NOL4L: variants seen among roughly 807,000 people sequenced by gnomAD.
The protein encoded by NOL4L is nucleolar protein 4 like.
Under a neutral mutation model 64.5 loss-of-function variants are expected in NOL4L, and 7 were observed. The observed-to-expected ratio is 0.11, with a 90% CI of 0.06 to 0.20. The LOEUF (loss-of-function observed/expected upper bound fraction) is 0.20. Ranked by LOEUF, NOL4L falls within the 10% of genes least tolerant of loss-of-function variation. The pLI, the probability that NOL4L is intolerant of heterozygous loss-of-function variation, is 1.00. For synonymous variants in NOL4L, 413 were observed against 401.0 expected (o/e 1.03, Z -0.36); for missense variants, 680 against 967.1 (o/e 0.70, Z 3.94).
rs533896753 is a variant in NOL4L at position 32,445,869 on chromosome 20, GCCC to G, written c.*1724_*1726del. On this transcript the variant is annotated 3_prime_UTR_variant, in exon 11 of 11. Coordinates refer to ENST00000621426, the MANE Select transcript of NOL4L (RefSeq NM_001256798.2). ...GGCAGGATGGGGCATCCTCACTGGT[GCCC>G]CCCCCATCCCTCCTTGGGGGGAGTC... The G allele has an allele frequency of 6.6e-6, 1 of 151,900 alleles. No homozygotes were observed. The highest frequency in any genetic ancestry group is 2.4e-5 in the African/African-American group (1 of 41,342). The allele number at this position is 151,900 out of a possible 1,614,324, so 9.4% of individuals were successfully genotyped here.
chr20:32,546,110 G>T (rs1250674293), intron 1 of NOL4L, among the ~76,000 whole-genome samples: 1 of 151,228 alleles, frequency 6.6e-6, no homozygotes, highest in Non-Finnish European at 1.5e-5. Flanking sequence ...ACCATGCCCG[G>T]CTAATTTTTG....
At chr20:32,493,727 C>T (rs902624111) in intron 4 of NOL4L, among the ~76,000 whole-genome samples, 1 of 152,096 alleles carries the variant, frequency 6.6e-6, no homozygotes, top group Non-Finnish European at 1.5e-5. Flanking sequence ...TTTATTGAGC[C>T]CCTACTATGC....
intron 1 of NOL4L, among the ~76,000 whole-genome samples, chr20:32,582,809 C>T (rs1295128072): frequency 6.6e-6 from 1 of 152,210 alleles, no homozygotes; most frequent in Admixed American, 6.5e-5. Flanking sequence ...AAACCGCCCT[C>T]CGGCGGGGGG....
chr20:32,534,536 T>C (rs1040758008), intron 1 of NOL4L, among the ~76,000 whole-genome samples: 2 of 152,218 alleles, frequency 1.3e-5, no homozygotes, highest in African/African-American at 4.8e-5. Context: ...CCATTCCTCC[T>C]GTCCCCAAAA....
At chr20:32,467,960 C>G (rs756344791) in intron 5 of NOL4L, among the ~76,000 whole-genome samples, 1 of 152,202 alleles carries the variant, frequency 6.6e-6, no homozygotes, top group Non-Finnish European at 1.5e-5. Context: ...AGAGACCCGC[C>G]CTGCTGCCCA....
At chr20:32,473,555 C>T (rs2015174127) in intron 5 of NOL4L, among the ~76,000 whole-genome samples, 1 of 152,192 alleles carries the variant, frequency 6.6e-6, no homozygotes, top group East Asian at 1.9e-4. Context: ...CCTCCAGCTG[C>T]CTCCAGACTG....
chr20:32,584,517 CTG>C, intron 1 of NOL4L, 51 bp downstream of exon 1: 7 of 1,193,326 alleles, frequency 5.9e-6, no homozygotes, highest in East Asian at 3.4e-5. Context: ...CCCCGCCCGC[CTG>C]CCCCAAGCCC....
intron 5 of NOL4L, among the ~76,000 whole-genome samples, chr20:32,461,870 T>C (rs567166445): frequency 6.6e-6 from 1 of 152,024 alleles, no homozygotes; most frequent in Admixed American, 6.5e-5. Flanking sequence ...GCCCCAGCCC[T>C]AGAGACCCAG....
intron 3 of NOL4L, among the ~76,000 whole-genome samples, chr20:32,518,317 G>A (rs560864800): frequency 2.0e-4 from 31 of 152,350 alleles, no homozygotes; most frequent in African/African-American, 6.5e-4. Context: ...GATGGCTCCT[G>A]GCCTGTGTGC....
Position 32,552,298 on chromosome 20 carries a change from G to T in NOL4L, c.322-24385C>A, listed in dbSNP as rs192741438. 4.2e-4 allele frequency among the ~76,000 whole-genome samples: 64 copies of T among 152,216 alleles called. 1 individual carries two copies. The East Asian group carries it at 9.1e-3, about 22-fold the overall frequency. ...CCAAGAAATAACAGTGATTTCGCCC[G>T]GGGAGAGGAACAGGGTGACTGGCAG... On this transcript the variant is annotated intron_variant, in intron 1 of 10. Transcript: ENST00000621426.
intron 6 of NOL4L, among the ~76,000 whole-genome samples, chr20:32,455,103 C>A (rs753790084): frequency 6.6e-6 from 1 of 152,226 alleles, no homozygotes; most frequent in Non-Finnish European, 1.5e-5. Flanking sequence ...CTCAGCCAAA[C>A]CCTGAGCCAG....
chr20:32,494,397 A>G (rs2016604840), intron 4 of NOL4L, among the ~76,000 whole-genome samples: 1 of 151,762 alleles, frequency 6.6e-6, no homozygotes, highest in Non-Finnish European at 1.5e-5. Flanking sequence ...AGCACACAGA[A>G]GGCCCCCAAC....
intron 5 of NOL4L, among the ~76,000 whole-genome samples, chr20:32,462,644 C>T (rs2014177659): frequency 1.3e-5 from 2 of 152,064 alleles, no homozygotes; most frequent in Admixed American, 1.3e-4. Flanking sequence ...CAGTGGCTCA[C>T]GCCTGTAATC....
At chr20:32,485,058 CAAAAAAAAAAAAAAAA>C (rs57444583) in intron 4 of NOL4L, among the ~76,000 whole-genome samples, 8 of 17,816 alleles carry the variant, frequency 4.5e-4, no homozygotes, top group South Asian at 4.1e-3. Flanking sequence ...GGGAAATTGC[CAAAAAAAAAAAAAAAA>C]AAAAAAAAAA....
At chr20:32,498,700 C>T (rs1340470807) in intron 4 of NOL4L, among the ~76,000 whole-genome samples, 2 of 144,714 alleles carry the variant, frequency 1.4e-5, no homozygotes, top group Non-Finnish European at 3.0e-5. Context: ...GAAGTCGAGG[C>T]TGCATTGAGC....
intron 1 of NOL4L, among the ~76,000 whole-genome samples, chr20:32,543,738 C>T (rs535473419): frequency 8.6e-5 from 13 of 151,856 alleles, no homozygotes; most frequent in Non-Finnish European, 1.5e-4. Context: ...TGCAGTGAGC[C>T]GAGATCTCGC....
intron 1 of NOL4L, among the ~76,000 whole-genome samples, chr20:32,557,506 G>T (rs1302373763): frequency 6.6e-6 from 1 of 152,248 alleles, no homozygotes; most frequent in Non-Finnish European, 1.5e-5. Flanking sequence ...TGCTCCAGCA[G>T]GCAGAGGATG....
intron 1 of NOL4L, 121 bp downstream of exon 1, chr20:32,584,449 G>T (rs1980759994): frequency 2.4e-6 from 2 of 822,968 alleles, no homozygotes; most frequent in Non-Finnish European, 3.3e-6. Flanking sequence ...CGGCGGGCCC[G>T]ACACACGGAC....
At chr20:32,508,761 T>C (rs545353395) in intron 4 of NOL4L, among the ~76,000 whole-genome samples, 2 of 152,346 alleles carry the variant, frequency 1.3e-5, no homozygotes, top group South Asian at 4.1e-4. Context: ...CAGTCCTTTC[T>C]TCCTTTGGGA....
Sources: allele counts gnomAD v4.1 joint callset (sites outside exome capture counted in the v4.1 genomes callset), GRCh38; gene constraint gnomAD v4.1.1; transcripts MANE v1.5; gene names NCBI Gene and HGNC (gene_info 2026-07-23, HGNC 2026-07-21).